HLF: variants seen among roughly 807,000 people sequenced by gnomAD.
The protein encoded by HLF is hepatic leukemia factor.
HLF carries 3 observed loss-of-function variants against 22.6 expected under a neutral mutation model. The observed-to-expected ratio is 0.13, with a 90% CI of 0.06 to 0.34. HLF has a LOEUF of 0.34. HLF is among the 10% of genes least tolerant of loss of function. The pLI is 1.00. For missense variants in HLF, 299 were observed against 389.2 expected (o/e 0.77, Z 1.95); for synonymous variants, 151 against 151.8 (o/e 0.99, Z 0.04).
chr17:55,303,736 C>T (rs76516233), intron 2 of HLF, among the ~76,000 whole-genome samples: 2,108 of 152,128 alleles, frequency 0.014, 25 homozygotes, highest in Non-Finnish European at 0.022. Context: ...TGGGCATGCA[C>T]GGTTATCTCT....
At chr17:55,308,663 C>T (rs1234919524) in intron 2 of HLF, among the ~76,000 whole-genome samples, 1 of 152,208 alleles carries the variant, frequency 6.6e-6, no homozygotes, top group African/African-American at 2.4e-5. Flanking sequence ...AAACGACTGT[C>T]CTGTACAAAT....
chr17:55,317,294 C>A (rs1052487267), intron 3 of HLF, among the ~76,000 whole-genome samples: 1 of 152,092 alleles, frequency 6.6e-6, no homozygotes, highest in Admixed American at 6.6e-5. Flanking sequence ...AGCCTCGTAT[C>A]TTAAACTAAA....
chr17:55,291,429 T>C (rs2081060531), intron 2 of HLF, among the ~76,000 whole-genome samples: 1 of 152,202 alleles, frequency 6.6e-6, no homozygotes, highest in African/African-American at 2.4e-5. Context: ...CTTCCTGTGC[T>C]CTGTAAATGG....
chr17:55,292,151 G>C (rs1294056956), intron 2 of HLF, among the ~76,000 whole-genome samples: 1 of 152,216 alleles, frequency 6.6e-6, no homozygotes. Flanking sequence ...CATAAACTTA[G>C]TTGGTATAGC....
At chr17:55,287,056 T>A (rs1265767368) in intron 2 of HLF, among the ~76,000 whole-genome samples, 1 of 152,154 alleles carries the variant, frequency 6.6e-6, no homozygotes, top group Admixed American at 6.5e-5. Context: ...ACGTGGCTGG[T>A]AGATGCATTA....
chr17:55,307,073 T>C (rs1204696514), intron 2 of HLF, among the ~76,000 whole-genome samples: 3 of 151,388 alleles, frequency 2.0e-5, no homozygotes, highest in African/African-American at 4.9e-5. Context: ...TTTTTTTTTT[T>C]CCTCATCCCA....
rs546009644 is a variant in HLF, at chr17:55,292,662, A to G, written c.452-22565A>G. On this transcript the variant is annotated intron_variant, in intron 2 of 3. Coordinates refer to ENST00000226067, the MANE Select transcript of HLF (RefSeq NM_002126.5). Reference sequence around the variant, plus strand: ...TGCCTTTATATCCAAAGGAATAGAAATCAGTCTTTCAAAGAGATACCGGCA... The same window carrying G: ...TGCCTTTATATCCAAAGGAATAGAAGTCAGTCTTTCAAAGAGATACCGGCA... Among the ~76,000 whole-genome samples the G allele has an allele frequency of 2.0e-5, 3 of 152,324 alleles. No homozygotes were observed. The East Asian group carries it at 5.8e-4, about 29-fold the overall frequency.
In HLF at chr17:55,324,343, G is replaced by C. The variant is rs557141778; in HGVS notation, c.*3464G>C. 4.4e-6 allele frequency: 1 copy of C among 229,442 alleles called. No homozygotes were observed. Among genetic ancestry groups the C allele is most frequent in the Admixed American group, 5.7e-5 (1 of 17,648 alleles). The allele number at this position is 229,442 out of a possible 1,614,324, so 14.2% of individuals were successfully genotyped here. A position where few individuals can be genotyped will look rare whatever the true frequency, so the allele number is the denominator to read the frequency against. ...AATCAGATGTCTAGGGTCTGTTTTC[G>C]GAAGAAGCAAGAATTATCAGTGGCA... On this transcript the variant is annotated 3_prime_UTR_variant, in exon 4 of 4. Coordinates refer to ENST00000226067, the MANE Select transcript of HLF (RefSeq NM_002126.5).
chr17:55,267,719 T>C (rs1163130343), intron 1 of HLF, 32 bp from the exon 2 acceptor site: 4 of 1,448,896 alleles, frequency 2.8e-6, no homozygotes, highest in East Asian at 2.3e-5. Flanking sequence ...TTCTTTCTTT[T>C]TTTTTAAGTC....
chr17:55,286,783 G>A (rs939557051), intron 2 of HLF, among the ~76,000 whole-genome samples: 1 of 152,104 alleles, frequency 6.6e-6, no homozygotes, highest in African/African-American at 2.4e-5. Context: ...TTTGCCATCA[G>A]TATCATCCAG....
Position 55,323,875 on chromosome 17 carries a change from GA to G in HLF, c.*2998del. The G allele has an allele frequency of 4.4e-6, 1 of 229,088 alleles. No individual in the cohort carries two copies. Among genetic ancestry groups the G allele is most frequent in the East Asian group, 6.2e-5 (1 of 16,072 alleles). The allele number at this position is 229,088 out of a possible 1,614,324, so 14.2% of individuals were successfully genotyped here. On this transcript the variant is annotated 3_prime_UTR_variant, in exon 4 of 4. Coordinates refer to ENST00000226067, the MANE Select transcript of HLF (RefSeq NM_002126.5). ...GATTAATTATTTGGCCATTAACAATGAATCCAAATCATATCATACTGACATC... is the reference window on the plus strand; with the variant it reads ...GATTAATTATTTGGCCATTAACAATGATCCAAATCATATCATACTGACATC...
At chr17:55,307,062 C>CT (rs1004676215) in intron 2 of HLF, among the ~76,000 whole-genome samples, 126 of 138,770 alleles carry the variant, frequency 9.1e-4, no homozygotes, top group Middle Eastern at 3.9e-3. Context: ...TTTACCTCCT[C>CT]TTTTTTTTTT....
intron 2 of HLF, among the ~76,000 whole-genome samples, chr17:55,297,937 A>ACGGAGTTT (rs2081124484): frequency 6.6e-6 from 1 of 151,472 alleles, no homozygotes; most frequent in African/African-American, 2.4e-5. Context: ...TTTAGTAGAG[A>ACGGAGTTT]CGGAGTTTCG....
intron 2 of HLF, among the ~76,000 whole-genome samples, chr17:55,273,981 G>A (rs1300149551): frequency 2.0e-5 from 3 of 152,118 alleles, no homozygotes; most frequent in African/African-American, 7.2e-5. Flanking sequence ...GCACTGCTGC[G>A]GTGGGCAGGA....
At chr17:55,309,282 C>A (rs1366100541) in intron 2 of HLF, among the ~76,000 whole-genome samples, 1 of 152,166 alleles carries the variant, frequency 6.6e-6, no homozygotes, top group African/African-American at 2.4e-5. Flanking sequence ...AAGCCCATAT[C>A]CTTAGGCTGT....
chr17:55,272,560 T>C (rs2080867336), intron 2 of HLF: 1 of 151,592 alleles, frequency 6.6e-6, no homozygotes, highest in Non-Finnish European at 1.5e-5. Context: ...GGGAAAAGGA[T>C]GGCATAAGTG....
At chr17:55,303,341 G>T (rs924496503) in intron 2 of HLF, among the ~76,000 whole-genome samples, 1 of 152,144 alleles carries the variant, frequency 6.6e-6, no homozygotes, top group Non-Finnish European at 1.5e-5. Flanking sequence ...ACTTTGAGCT[G>T]GCCAGCAGTT....
chr17:55,290,533 A>G (rs2081051756), intron 2 of HLF, among the ~76,000 whole-genome samples: 1 of 152,186 alleles, frequency 6.6e-6, no homozygotes, highest in Non-Finnish European at 1.5e-5. Context: ...CCCATATAAG[A>G]TGGTGAACTT....
intron 2 of HLF, among the ~76,000 whole-genome samples, chr17:55,302,765 G>T (rs1179257467): frequency 6.6e-6 from 1 of 152,138 alleles, no homozygotes; most frequent in African/African-American, 2.4e-5. Flanking sequence ...CAATTAAAAA[G>T]ACTCCAGGGA....
Sources: gnomAD v4.1 joint callset for allele counts (sites outside exome capture counted in the v4.1 genomes callset) on GRCh38, gnomAD v4.1.1 for gene constraint, MANE v1.5 for transcripts, NCBI Gene and HGNC (gene_info 2026-07-23, HGNC 2026-07-21) for gene names.